Variants in GABRG3 observed in about 807,000 individuals in gnomAD.
The protein encoded by GABRG3 is gamma-aminobutyric acid type A receptor subunit gamma3.
GABRG3 carries 25 observed loss-of-function variants against 48.8 expected under a neutral mutation model. The observed-to-expected ratio is 0.51, with a 90% CI of 0.37 to 0.72. The LOEUF (loss-of-function observed/expected upper bound fraction) is 0.72, where lower values mean the gene tolerates loss of function less well. GABRG3 is among the 30% of genes least tolerant of loss of function. The pLI, the probability that GABRG3 is intolerant of heterozygous loss-of-function variation, is 0.00. For missense variants in GABRG3, 394 were observed against 577.9 expected (o/e 0.68, Z 3.26); for synonymous variants, 227 against 217.6 (o/e 1.04, Z -0.38).
At position 27,464,507 on chromosome 15, in the gene GABRG3, G is replaced by A. The variant is rs143138824; in HGVS notation, c.575-16143G>A. Reference sequence around the variant, plus strand: ...TAGGACTGGAATTTCTGGGTCCTACGGTAACTCTGCATTTAATATTTTAGA... The same window carrying A: ...TAGGACTGGAATTTCTGGGTCCTACAGTAACTCTGCATTTAATATTTTAGA... On this transcript the variant is annotated intron_variant, in intron 5 of 9. Coordinates refer to ENST00000615808, the MANE Select transcript of GABRG3 (RefSeq NM_033223.5). 1.2e-4 allele frequency among the ~76,000 whole-genome samples: 19 copies of A among 152,196 alleles called. No homozygotes were observed. The East Asian group carries it at 2.5e-3, about 20-fold the overall frequency.
chr15:27,210,576 C>A (rs551178437), intron 3 of GABRG3, among the ~76,000 whole-genome samples: 1 of 152,352 alleles, frequency 6.6e-6, no homozygotes, highest in African/African-American at 2.4e-5. Context: ...CTGACAAGCA[C>A]CACGTCTACT....
intron 5 of GABRG3, chr15:27,365,914 C>A (rs1895182174): frequency 2.0e-5 from 3 of 152,108 alleles, no homozygotes; most frequent in African/African-American, 4.8e-5. Context: ...TTAAATAGTT[C>A]ATTTTTTAAT....
chr15:26,996,854 G>A (rs12443002), intron 2 of GABRG3, among the ~76,000 whole-genome samples: 9,740 of 151,864 alleles, frequency 0.064, 359 homozygotes, highest in East Asian at 0.18. Context: ...GGGTTTCACC[G>A]TGTTAGCCAG....
intron 6 of GABRG3, among the ~76,000 whole-genome samples, chr15:27,500,132 G>T (rs1890583935): frequency 6.6e-6 from 1 of 152,174 alleles, no homozygotes; most frequent in South Asian, 2.1e-4. Context: ...GGCAGAGAGT[G>T]ACCAGGAAAT....
At chr15:27,126,486 A>G (rs1897823016) in intron 3 of GABRG3, among the ~76,000 whole-genome samples, 1 of 152,070 alleles carries the variant, frequency 6.6e-6, no homozygotes, top group African/African-American at 2.4e-5. Context: ...TCAGGAGGGC[A>G]CTTCCTGGCT....
At chr15:27,390,855 G>A (rs796203370) in intron 5 of GABRG3, among the ~76,000 whole-genome samples, 1 of 152,156 alleles carries the variant, frequency 6.6e-6, no homozygotes, top group Non-Finnish European at 1.5e-5. Flanking sequence ...TTGGGAGGAC[G>A]TGGCGGGTGG....
At chr15:27,278,462 T>G (rs964067153) in intron 3 of GABRG3, among the ~76,000 whole-genome samples, 6 of 152,144 alleles carry the variant, frequency 3.9e-5, no homozygotes, top group Admixed American at 6.5e-5. Context: ...TCTGTTCCTT[T>G]ACAGCCACAC....
chr15:27,250,097 C>T (rs1890406904), intron 3 of GABRG3, among the ~76,000 whole-genome samples: 1 of 152,078 alleles, frequency 6.6e-6, no homozygotes, highest in African/African-American at 2.4e-5. Context: ...CCTCACCAGC[C>T]CCCACCAGGT....
At chr15:27,426,693 A>C (rs868378241) in intron 5 of GABRG3, among the ~76,000 whole-genome samples, 15 of 152,172 alleles carry the variant, frequency 9.9e-5, no homozygotes, top group Non-Finnish European at 2.1e-4. Context: ...TTAGTTGGGC[A>C]TAGTGGTACA....
rs71132805 is a variant in GABRG3 at position 27,263,923 on chromosome 15, CA to C, written c.271-62871del. On this transcript the variant is annotated intron_variant, in intron 3 of 9. Coordinates refer to ENST00000615808, the MANE Select transcript of GABRG3 (RefSeq NM_033223.5). Reference sequence around the variant, plus strand: ...CCTGGGCGAAAGAGCGAGACTCTGTCAAAAAAAAAAAAAAAGAAAAAGAAAA... The same window carrying C: ...CCTGGGCGAAAGAGCGAGACTCTGTCAAAAAAAAAAAAAAGAAAAAGAAAA... 9.8e-3 allele frequency among the ~76,000 whole-genome samples: 1,347 copies of C among 136,820 alleles called. 15 individuals carry two copies. Among genetic ancestry groups the C allele is most frequent in the African/African-American group, 0.032 (1,224 of 38,394 alleles). The allele number at this position is 136,820 out of a possible 152,430, so 89.8% of individuals were successfully genotyped here. A position where few individuals can be genotyped will look rare whatever the true frequency, so the allele number is the denominator to read the frequency against.
chr15:27,204,438 T>C (rs1299934927), intron 3 of GABRG3, among the ~76,000 whole-genome samples: 1 of 151,852 alleles, frequency 6.6e-6, no homozygotes, highest in Non-Finnish European at 1.5e-5. Context: ...GCTGCTTTAC[T>C]TAGAGTTATA....
intron 6 of GABRG3, among the ~76,000 whole-genome samples, chr15:27,485,775 A>G (rs1301038120): frequency 1.3e-5 from 2 of 152,192 alleles, no homozygotes; most frequent in Non-Finnish European, 2.9e-5. Flanking sequence ...AGACAATGGA[A>G]TTCCAAATGT....
chr15:27,343,671 G>A (rs1443447191), intron 5 of GABRG3, among the ~76,000 whole-genome samples: 3 of 152,210 alleles, frequency 2.0e-5, no homozygotes, highest in Non-Finnish European at 4.4e-5. Context: ...ATTTAACTAA[G>A]TGGGTGGTTA....
intron 3 of GABRG3, among the ~76,000 whole-genome samples, chr15:27,138,356 C>T (rs1898045474): frequency 6.6e-6 from 1 of 152,184 alleles, no homozygotes. Context: ...ATATGGTTCA[C>T]TCTTGGGCTG....
rs893218442 is a variant in GABRG3 at position 27,308,559 on chromosome 15, G to T, written c.271-18250G>T. 4.9e-4 allele frequency among the ~76,000 whole-genome samples: 72 copies of T among 146,822 alleles called. No homozygotes were observed. In the East Asian group the frequency reaches 6.6e-3, roughly 14 times the overall value. On this transcript the variant is annotated intron_variant, in intron 3 of 9. Transcript: ENST00000615808. ...AAACATATATAATGTAAACATACATGTTTATATAAACATAATGTAAACATA... is the reference window on the plus strand; with the variant it reads ...AAACATATATAATGTAAACATACATTTTTATATAAACATAATGTAAACATA...
At chr15:27,422,559 C>T (rs777702200) in intron 5 of GABRG3, 4 of 152,218 alleles carry the variant, frequency 2.6e-5, no homozygotes, top group Non-Finnish European at 5.9e-5. Flanking sequence ...TTGTATCCAC[C>T]AATACTGAGT....
At chr15:27,388,202 AAGGAAGGAAAGG>A (rs1302789455) in intron 5 of GABRG3, among the ~76,000 whole-genome samples, 39 of 78,878 alleles carry the variant, frequency 4.9e-4, no homozygotes, top group East Asian at 2.8e-3. Flanking sequence ...GTAAGGAAGG[AAGGAAGGAAAGG>A]AGGAAGGAAG....
At chr15:27,208,990 C>G (rs1888975919) in intron 3 of GABRG3, among the ~76,000 whole-genome samples, 1 of 152,192 alleles carries the variant, frequency 6.6e-6, no homozygotes, top group African/African-American at 2.4e-5. Flanking sequence ...TTCACAGAGC[C>G]ATTGATTCCC....
chr15:27,477,712 G>A (rs1889981916), intron 5 of GABRG3, among the ~76,000 whole-genome samples: 1 of 152,076 alleles, frequency 6.6e-6, no homozygotes, highest in Admixed American at 6.6e-5. Flanking sequence ...GTTTTGCTGT[G>A]AACCTAGAAG....
Sources: gnomAD v4.1 joint callset for allele counts (sites outside exome capture counted in the v4.1 genomes callset) on GRCh38, gnomAD v4.1.1 for gene constraint, MANE v1.5 for transcripts, NCBI Gene and HGNC (gene_info 2026-07-23, HGNC 2026-07-21) for gene names.